The following CDH4 variants were observed in gnomAD, a reference collection of about 807,000 sequenced individuals.
The protein encoded by CDH4 is cadherin-4.
A neutral mutation model predicts 86.0 loss-of-function variants in CDH4; 33 were observed. The ratio of observed to expected loss-of-function variants is 0.38; its 90% CI spans 0.29 to 0.51. CDH4 has a LOEUF of 0.51. CDH4 is among the 20% of genes least tolerant of loss of function. The probability of loss-of-function intolerance (pLI) is 0.86; values close to 1 mark genes in which losing one functional copy is unlikely to be tolerated. For missense variants in CDH4, 1,114 were observed against 1,307.4 expected (o/e 0.85, Z 2.28); for synonymous variants, 555 against 549.4 (o/e 1.01, Z -0.14).
At position 61,830,264 on chromosome 20, in the gene CDH4, G is replaced by A. The variant is rs144138238; in HGVS notation, c.577-14404G>A. Among the ~76,000 whole-genome samples the A allele has an allele frequency of 4.1e-3, 626 of 152,200 alleles. 3 individuals carry two copies. Among genetic ancestry groups the A allele is most frequent in the South Asian group, 0.012 (59 of 4,830 alleles). On this transcript the variant is annotated intron_variant, in intron 4 of 15. Transcript: ENST00000614565. ...TCAGAGGCCACATCCCTGCACCTGC[G>A]CAGCACGGCACATCCTGGGGCTCAG... is the stretch of plus-strand genomic sequence containing the variant.
At chr20:61,918,206 G>C (rs2054926773) in intron 9 of CDH4, among the ~76,000 whole-genome samples, 1 of 152,330 alleles carries the variant, frequency 6.6e-6, no homozygotes, top group East Asian at 1.9e-4. Flanking sequence ...GGCCAGACTT[G>C]GGGGTACCTG....
intron 13 of CDH4, among the ~76,000 whole-genome samples, chr20:61,930,198 C>T (rs1197194201): frequency 6.6e-6 from 1 of 152,196 alleles, no homozygotes; most frequent in Non-Finnish European, 1.5e-5. Flanking sequence ...GGAAGGTCAG[C>T]CCTGCCTGTT....
chr20:61,704,281 A>G (rs1008630128), intron 2 of CDH4, among the ~76,000 whole-genome samples: 1 of 152,056 alleles, frequency 6.6e-6, no homozygotes, highest in African/African-American at 2.4e-5. Flanking sequence ...AAGCAGAAGT[A>G]GTGGCAGCAC....
chr20:61,374,056 C>T (rs375061446), intron 2 of CDH4, among the ~76,000 whole-genome samples: 28 of 152,208 alleles, frequency 1.8e-4, no homozygotes, highest in African/African-American at 6.3e-4. Flanking sequence ...GGGGCTCCTG[C>T]GTGATGGTGA....
At chr20:61,723,176 C>T (rs990909319) in intron 2 of CDH4, among the ~76,000 whole-genome samples, 28 of 152,196 alleles carry the variant, frequency 1.8e-4, no homozygotes, top group African/African-American at 6.5e-4. Context: ...CGAAGAAGTC[C>T]TCAGCAATAT....
In CDH4 at chr20:61,879,967, G is replaced by A. The variant is rs752387507; in HGVS notation, c.1050+6067G>A. Among the ~76,000 whole-genome samples, 1 of 152,108 alleles carries A rather than the reference G, an allele frequency of 6.6e-6. No homozygotes were observed. Among genetic ancestry groups the A allele is most frequent in the Non-Finnish European group, 1.5e-5 (1 of 68,028 alleles). Reference sequence around the variant, plus strand: ...GGGGGGCCGAATTCGTGATCTCCTGGTCTGAAAGGATTCTGGGGAAAGCAA... The same window carrying A: ...GGGGGGCCGAATTCGTGATCTCCTGATCTGAAAGGATTCTGGGGAAAGCAA... On this transcript the variant is annotated intron_variant, in intron 7 of 15. Coordinates refer to ENST00000614565, the MANE Select transcript of CDH4 (RefSeq NM_001794.5). This position sits in a 1 kb window ranked among gnomAD's most constrained non-coding sequence, Gnocchi z 4.1.
At chr20:61,680,834 GTCT>G (rs929233664) in intron 2 of CDH4, among the ~76,000 whole-genome samples, 7 of 152,238 alleles carry the variant, frequency 4.6e-5, no homozygotes, top group South Asian at 2.1e-4. Context: ...TCCCCCCTGT[GTCT>G]TCTTCTCATC....
At chr20:61,466,067 G>T (rs2085470052) in intron 2 of CDH4, among the ~76,000 whole-genome samples, 1 of 152,112 alleles carries the variant, frequency 6.6e-6, no homozygotes, top group African/African-American at 2.4e-5. Context: ...TCACCACGTG[G>T]ATTGCATAGA....
At chr20:61,438,182 A>G (rs6061996) in intron 2 of CDH4, among the ~76,000 whole-genome samples, 25,994 of 152,210 alleles carry the variant, frequency 0.17, 2,309 homozygotes, top group African/African-American at 0.18. Context: ...TTATGGGTCA[A>G]ATTTTTCCAG....
At chr20:61,255,788 G>A (rs1295575803) in intron 2 of CDH4, among the ~76,000 whole-genome samples, 2 of 152,202 alleles carry the variant, frequency 1.3e-5, no homozygotes, top group Non-Finnish European at 2.9e-5. Flanking sequence ...CGGTTCCTGT[G>A]TATGTGTGTG....
rs372444251 is a variant in CDH4, at chr20:61,734,119, C to T, written c.170-9444C>T. ...GGAGCTGCCGGCTCCTCTGTGGGTG[C>T]GCGATGCCGAGTCTCCACAGAGGCT... On this transcript the variant is annotated intron_variant, in intron 2 of 15. Coordinates refer to ENST00000614565, the MANE Select transcript of CDH4 (RefSeq NM_001794.5). Among the ~76,000 whole-genome samples the T allele has an allele frequency of 2.6e-5, 4 of 152,310 alleles. No individual in the cohort carries two copies. The East Asian group carries it at 5.8e-4, about 22-fold the overall frequency.
At chr20:61,933,243 AG>A (rs1305496546) in intron 14 of CDH4, 119 bp downstream of exon 14, 2 of 1,327,314 alleles carry the variant, frequency 1.5e-6, no homozygotes, top group African/African-American at 2.9e-5. Context: ...TCACCAGTGA[AG>A]GTGCCAGGCA....
intron 2 of CDH4, among the ~76,000 whole-genome samples, chr20:61,540,304 A>G (rs2145654840): frequency 6.6e-6 from 1 of 152,362 alleles, no homozygotes; most frequent in South Asian, 2.1e-4. Flanking sequence ...AATCCAGCCA[A>G]AAATGTATCC....
chr20:61,280,013 G>A (rs1045836005), intron 2 of CDH4, among the ~76,000 whole-genome samples: 2 of 152,138 alleles, frequency 1.3e-5, no homozygotes, highest in African/African-American at 4.8e-5. Context: ...CATCGGTGGG[G>A]TTGCCTGCAG....
At chr20:61,316,740 G>A (rs1169732893) in intron 2 of CDH4, among the ~76,000 whole-genome samples, 1 of 152,222 alleles carries the variant, frequency 6.6e-6, no homozygotes, top group African/African-American at 2.4e-5. Flanking sequence ...CTTTGCTGTC[G>A]TTAGAGCCGC....
chr20:61,386,912 C>T (rs559297080), intron 2 of CDH4, among the ~76,000 whole-genome samples: 97 of 152,306 alleles, frequency 6.4e-4, no homozygotes, highest in African/African-American at 2.3e-3. Context: ...GCGTCAGGAC[C>T]GGCCCCAAGA....
chr20:61,397,677 C>T (rs938635671), intron 2 of CDH4, among the ~76,000 whole-genome samples: 1 of 143,098 alleles, frequency 7.0e-6, no homozygotes, highest in African/African-American at 2.5e-5. Flanking sequence ...GTTTAAACTG[C>T]ACTATAGTTT....
At chr20:61,490,757 G>C (rs1440835011) in intron 2 of CDH4, among the ~76,000 whole-genome samples, 2 of 152,108 alleles carry the variant, frequency 1.3e-5, no homozygotes, top group Admixed American at 6.5e-5. Context: ...GTGACGGGGG[G>C]CACTCCTGGA....
intron 2 of CDH4, among the ~76,000 whole-genome samples, chr20:61,654,423 G>GA (rs2087165039): frequency 6.6e-6 from 1 of 152,042 alleles, no homozygotes; most frequent in Admixed American, 6.5e-5. Context: ...TGGAAAGAGG[G>GA]AGAGGGAGAC....
Sources: allele counts gnomAD v4.1 joint callset (sites outside exome capture counted in the v4.1 genomes callset), GRCh38; gene constraint gnomAD v4.1.1; non-coding constraint Gnocchi (gnomAD v3.1); transcripts MANE v1.5; gene names NCBI Gene and HGNC (gene_info 2026-07-23, HGNC 2026-07-21).